Variants in SDHA observed in about 807,000 individuals in gnomAD.
The protein encoded by SDHA is succinate dehydrogenase [ubiquinone] flavoprotein subunit, mitochondrial.
A neutral mutation model predicts 78.4 loss-of-function variants in SDHA; 48 were observed. That is an observed-to-expected ratio of 0.61 (90% CI 0.49 to 0.78). The LOEUF (loss-of-function observed/expected upper bound fraction) is 0.78. Among genes scored for constraint, SDHA ranks in the 30% least tolerant of loss-of-function variants. The probability of loss-of-function intolerance (pLI) is 0.00; values close to 1 mark genes in which losing one functional copy is unlikely to be tolerated. For synonymous variants in SDHA, 326 were observed against 353.9 expected (o/e 0.92, Z 0.88); for missense variants, 680 against 892.7 (o/e 0.76, Z 3.04).
intron 8 of SDHA, chr5:234,557 G>A (rs1735643745): frequency 1.4e-5 from 2 of 142,204 alleles, no homozygotes; most frequent in Admixed American, 6.5e-5. Context: ...TTACAAATAT[G>A]CAGACTTTTT....
intron 13 of SDHA, chr5:252,955 A>G (rs1163572108): frequency 1.3e-5 from 2 of 152,704 alleles, no homozygotes; most frequent in African/African-American, 4.8e-5. Flanking sequence ...TTATTAAATA[A>G]GGAGTAAGCC....
chr5:239,388 T>C (rs10057492), intron 10 of SDHA, among the ~76,000 whole-genome samples: 36,586 of 151,656 alleles, frequency 0.24, 6,879 homozygotes, highest in African/African-American at 0.53. Context: ...TGAAACCCAT[T>C]TCTACTGAAA....
At chr5:232,068 C>T (rs542255761) in intron 7 of SDHA, among the ~76,000 whole-genome samples, 4 of 152,192 alleles carry the variant, frequency 2.6e-5, no homozygotes, top group Non-Finnish European at 5.9e-5. Flanking sequence ...CTATACTTTT[C>T]TGGGTTGCTT....
chr5:218,550 G>A lies in SDHA; in HGVS notation c.63+132G>A, dbSNP rs541618584. On this transcript the variant is annotated intron_variant, in intron 1 of 14. Transcript: ENST00000264932. ...CCCTCTGTCCCGGGATCGGGAAGGG[G>A]CTGAGAGAGCCCTGGGCCGGTGCGA... The A allele has an allele frequency of 5.4e-3, 3,711 of 690,598 alleles. 24 individuals carry two copies. The highest frequency in any genetic ancestry group is 0.026 in the Middle Eastern group (57 of 2,168). 42.8% of individuals were successfully genotyped at this position (690,598 alleles called of 1,614,324 possible).
intron 11 of SDHA, among the ~76,000 whole-genome samples, chr5:241,271 AG>A (rs1253762441): frequency 6.6e-6 from 1 of 152,162 alleles, no homozygotes. Flanking sequence ...GGAGAAGCTC[AG>A]TCCCCAGCAG....
intron 8 of SDHA, chr5:233,914 A>T (rs910143451): frequency 1.8e-5 from 8 of 442,738 alleles, no homozygotes; most frequent in African/African-American, 1.6e-4. Context: ...AGAGAGACAC[A>T]CACCCAACCT....
intron 7 of SDHA, among the ~76,000 whole-genome samples, chr5:232,507 C>T (rs1397204075): frequency 6.6e-6 from 1 of 152,186 alleles, no homozygotes; most frequent in East Asian, 1.9e-4. Context: ...AGCCATGAGC[C>T]ACTGCACCCG....
intron 11 of SDHA, 56 bp from the exon 12 acceptor site, chr5:250,936 C>G (rs189193839): frequency 6.9e-7 from 1 of 1,450,446 alleles, no homozygotes; most frequent in East Asian, 2.3e-5. Flanking sequence ...TTAAGCAGTT[C>G]TTGGTATGGC....
chr5:234,848 C>G (rs1023065716), intron 8 of SDHA: 8 of 457,368 alleles, frequency 1.7e-5, no homozygotes, highest in South Asian at 1.5e-4. Context: ...GGCATAGAGG[C>G]CTTTCTAATG....
At chr5:224,955 C>T (rs1389267023) in intron 3 of SDHA, 5 of 331,534 alleles carry the variant, frequency 1.5e-5, no homozygotes, top group African/African-American at 4.2e-5. Flanking sequence ...CCAAAGGAAG[C>T]TGGGGTACAG....
At chr5:229,340 C>T (rs1327038698) in intron 6 of SDHA, among the ~76,000 whole-genome samples, 1 of 152,126 alleles carries the variant, frequency 6.6e-6, no homozygotes, top group Non-Finnish European at 1.5e-5. Context: ...TTCACAATAC[C>T]CGAGATATGG....
chr5:244,391 T>G lies in SDHA; in HGVS notation c.1551+3915T>G, dbSNP rs557976501. 5.3e-5 allele frequency among the ~76,000 whole-genome samples: 8 copies of G among 152,106 alleles called. No individual in the cohort carries two copies. In the South Asian group the frequency reaches 1.5e-3, roughly 28 times the overall value. ...CAGATTACAATGAGGAAATTCAAATTGTTACATCTACTTCTGTTCCCTGGA... is the reference window on the plus strand; with the variant it reads ...CAGATTACAATGAGGAAATTCAAATGGTTACATCTACTTCTGTTCCCTGGA... On this transcript the variant is annotated intron_variant, in intron 11 of 14. Transcript: ENST00000264932.
At chr5:253,725 G>A (rs1369030462) in intron 13 of SDHA, among the ~76,000 whole-genome samples, 1 of 152,160 alleles carries the variant, frequency 6.6e-6, no homozygotes, top group Non-Finnish European at 1.5e-5. Context: ...ATGAGCCACT[G>A]TGCCTGGCCA....
intron 11 of SDHA, among the ~76,000 whole-genome samples, chr5:241,147 G>C (rs562601130): frequency 6.6e-6 from 1 of 152,260 alleles, no homozygotes; most frequent in Non-Finnish European, 1.5e-5. Context: ...TTGGCATCCA[G>C]GACAGCCTTC....
the SDHA span, among the ~76,000 whole-genome samples, chr5:266,892 A>AGACCCACACC: frequency 6.6e-6 from 1 of 150,770 alleles, no homozygotes; most frequent in African/African-American, 2.5e-5. Flanking sequence ...TAAAATATTC[A>AGACCCACACC]GTCCCGTGCA....
intron 10 of SDHA, among the ~76,000 whole-genome samples, chr5:238,764 G>A (rs1373937682): frequency 6.6e-6 from 1 of 152,204 alleles, no homozygotes; most frequent in Admixed American, 6.5e-5. Context: ...TTCGAGACCA[G>A]CTTGGGCAAC....
intron 1 of SDHA, among the ~76,000 whole-genome samples, chr5:222,057 A>AT (rs57699988): frequency 0.11 from 16,905 of 152,224 alleles, 3,025 homozygotes; most frequent in African/African-American, 0.38. Context: ...TTTCAAGAAC[A>AT]TTTGTATTAA....
downstream of SDHA, among the ~76,000 whole-genome samples, chr5:257,639 C>G (rs1246618889): frequency 3.1e-4 from 38 of 120,916 alleles, 9 homozygotes; most frequent in African/African-American, 1.7e-3. Flanking sequence ...GGGTGAGCTC[C>G]ACCCCCTGCC....
chr5:258,156 T>A (rs1422082025), downstream of SDHA, among the ~76,000 whole-genome samples: 1 of 92,888 alleles, frequency 1.1e-5, no homozygotes, highest in Non-Finnish European at 2.0e-5. Context: ...AGAGCATTAC[T>A]GTGTGAGCTC....
Sources: gnomAD v4.1 joint callset for allele counts (sites outside exome capture counted in the v4.1 genomes callset) on GRCh38, gnomAD v4.1.1 for gene constraint, MANE v1.5 for transcripts, NCBI Gene and HGNC (gene_info 2026-07-23, HGNC 2026-07-21) for gene names.